The following NRG1 variants were observed in gnomAD, a reference collection of about 807,000 sequenced individuals.
The protein encoded by NRG1 is pro-neuregulin-1, membrane-bound isoform.
In NRG1, 18 loss-of-function variants were observed where a neutral mutation model predicts 63.8. The observed-to-expected ratio is 0.28, with a 90% CI of 0.19 to 0.42. The LOEUF (loss-of-function observed/expected upper bound fraction) is 0.42. Among genes scored for constraint, NRG1 ranks in the 10% least tolerant of loss-of-function variants. NRG1 has a pLI of 1.00. For missense variants in NRG1, 762 were observed against 814.7 expected, an observed-to-expected ratio of 0.94 and a Z score of 0.79; for synonymous variants, 302 against 301.3, an observed-to-expected ratio of 1.00 and a Z score of -0.02.
At chr8:32,455,512 T>C (rs963970276) in intron 1 of NRG1, among the ~76,000 whole-genome samples, 1 of 152,234 alleles carries the variant, frequency 6.6e-6, no homozygotes, top group Non-Finnish European at 1.5e-5. Context: ...GCTAATTCAG[T>C]GTTTTTATTA....
rs559822656 is a variant in NRG1 at position 31,927,750 on chromosome 8, CT to C, written c.37+288329del. Among the ~76,000 whole-genome samples the C allele has an allele frequency of 7.1e-3, 1,053 of 148,018 alleles. 9 individuals carry two copies. Among genetic ancestry groups the C allele is most frequent in the African/African-American group, 0.024 (986 of 40,662 alleles). On this transcript the variant is annotated intron_variant, in intron 1 of 10. Transcript: ENST00000519301. ...GGCGTGAGCCACCGCGCCCGGCCTA[CT>C]TTTTTTTTTAAAGATCTGAGAGTGT...
At chr8:32,188,919 C>T (rs185126651) in intron 1 of NRG1, among the ~76,000 whole-genome samples, 1 of 151,858 alleles carries the variant, frequency 6.6e-6, no homozygotes, top group Non-Finnish European at 1.5e-5. Flanking sequence ...ATGTAACTAA[C>T]CTGCACATTG....
At chr8:31,867,075 A>G (rs1829023155) in intron 1 of NRG1, among the ~76,000 whole-genome samples, 1 of 152,172 alleles carries the variant, frequency 6.6e-6, no homozygotes, top group Non-Finnish European at 1.5e-5. Context: ...ATGTGAATGG[A>G]CCTAGCCTTT....
At chr8:32,182,615 C>T (rs1402021532) in intron 1 of NRG1, among the ~76,000 whole-genome samples, 1 of 152,156 alleles carries the variant, frequency 6.6e-6, no homozygotes, top group African/African-American at 2.4e-5. Flanking sequence ...AGCTAATTCT[C>T]GCACTCTCAC....
In NRG1 at chr8:32,647,936, A is replaced by C. The variant is rs371797228; in HGVS notation, c.502+31051A>C. ...AGCGCCTGAGAGGTTGCCTCAACTC[A>C]GAGAAAATCTGCATTGTCCCCATCC... is the stretch of plus-strand genomic sequence containing the variant. On this transcript the variant is annotated intron_variant, in intron 5 of 11. Transcript: ENST00000356819. 168 of 1,614,160 alleles carry C rather than the reference A, an allele frequency of 1.0e-4. No homozygotes were observed. In the South Asian group the frequency reaches 1.2e-3, roughly 12 times the overall value.
At chr8:32,714,863 CT>C (rs1361561922) in intron 5 of NRG1, among the ~76,000 whole-genome samples, 2 of 152,218 alleles carry the variant, frequency 1.3e-5, no homozygotes, top group Non-Finnish European at 2.9e-5. Flanking sequence ...AGAGTGTTAG[CT>C]CCCCAAGCAT....
intron 1 of NRG1, among the ~76,000 whole-genome samples, chr8:32,193,261 T>C (rs1842663776): frequency 6.6e-6 from 1 of 152,136 alleles, no homozygotes. Context: ...CTGTTGATGA[T>C]GATAATGAAT....
chr8:31,743,559 TATG>T (rs1563350645), intron 1 of NRG1, among the ~76,000 whole-genome samples: 1 of 150,548 alleles, frequency 6.6e-6, no homozygotes, highest in South Asian at 2.1e-4. Context: ...TATTGTTTAA[TATG>T]TGTGTGTGTG....
intron 1 of NRG1, among the ~76,000 whole-genome samples, chr8:31,738,794 C>T (rs1263271586): frequency 1.3e-5 from 2 of 152,156 alleles, no homozygotes; most frequent in East Asian, 1.9e-4. Context: ...CTCTGTCATT[C>T]GATGGTGTCT....
intron 1 of NRG1, among the ~76,000 whole-genome samples, chr8:32,161,628 C>T (rs1414268646): frequency 6.6e-6 from 1 of 151,820 alleles, no homozygotes; most frequent in Non-Finnish European, 1.5e-5. Flanking sequence ...TAACAACCCT[C>T]CCAATCTCAG....
chr8:31,838,129 A>G (rs1825856632), intron 1 of NRG1, among the ~76,000 whole-genome samples: 1 of 152,106 alleles, frequency 6.6e-6, no homozygotes, highest in Admixed American at 6.5e-5. Context: ...CCTCGCCAGC[A>G]TAATAACGAT....
At chr8:32,138,139 T>C (rs562717024) in intron 1 of NRG1, among the ~76,000 whole-genome samples, 4 of 152,180 alleles carry the variant, frequency 2.6e-5, no homozygotes, top group Non-Finnish European at 4.4e-5. Flanking sequence ...CTCTACATAT[T>C]TAGCAATCAC....
rs562972880 is a variant in NRG1 at position 32,218,875 on chromosome 8, G to A, written c.38-376953G>A. Among the ~76,000 whole-genome samples, 16 of 152,244 alleles carry A rather than the reference G, an allele frequency of 1.1e-4. 1 individual carries two copies. In the South Asian group the frequency reaches 2.3e-3, roughly 22 times the overall value. Reference sequence around the variant, plus strand: ...CTCAGGGAGCAAAGGCAGGATTTCCGTGGGTGTCCAAGGTCCTTACTCACA... The same window carrying A: ...CTCAGGGAGCAAAGGCAGGATTTCCATGGGTGTCCAAGGTCCTTACTCACA... On this transcript the variant is annotated intron_variant, in intron 1 of 10. Coordinates refer to the NRG1 transcript ENST00000519301.
At chr8:32,370,180 A>T (rs1291882796) in intron 1 of NRG1, among the ~76,000 whole-genome samples, 2 of 152,214 alleles carry the variant, frequency 1.3e-5, no homozygotes, top group Non-Finnish European at 2.9e-5. Context: ...TTTTTTCCTA[A>T]GTAAGCTTGA....
At chr8:32,560,294 TA>T (rs1176890560) in intron 1 of NRG1, among the ~76,000 whole-genome samples, 3 of 151,866 alleles carry the variant, frequency 2.0e-5, no homozygotes, top group Middle Eastern at 3.2e-3. Flanking sequence ...GTATTTTAAT[TA>T]AAAAAAATAA....
At chr8:32,452,434 A>C (rs1181421185) in intron 1 of NRG1, among the ~76,000 whole-genome samples, 3 of 152,218 alleles carry the variant, frequency 2.0e-5, no homozygotes, top group African/African-American at 2.4e-5. Flanking sequence ...ATGAGAAGAC[A>C]GTATAAATAA....
intron 1 of NRG1, among the ~76,000 whole-genome samples, chr8:31,891,072 T>A (rs1389375361): frequency 2.0e-5 from 3 of 152,170 alleles, no homozygotes; most frequent in Non-Finnish European, 4.4e-5. Flanking sequence ...CAGGAGAGTG[T>A]CTTTCAGATC....
At chr8:32,366,677 G>GTATATATATATATATATATATATA (rs71208175) in intron 1 of NRG1, among the ~76,000 whole-genome samples, 2 of 87,520 alleles carry the variant, frequency 2.3e-5, no homozygotes, top group Non-Finnish European at 4.5e-5. Flanking sequence ...GTGTGTGTGT[G>GTATATATATATATATATATATATA]TATATATATA....
At chr8:32,279,844 T>C (rs16879101) in intron 1 of NRG1, among the ~76,000 whole-genome samples, 14,835 of 152,260 alleles carry the variant, frequency 0.097, 1,025 homozygotes, top group African/African-American at 0.19. Context: ...TTCTGACTGA[T>C]GTGTAGGGTA....
Sources: allele counts gnomAD v4.1 joint callset (sites outside exome capture counted in the v4.1 genomes callset), GRCh38; gene constraint gnomAD v4.1.1; transcripts MANE v1.5; gene names NCBI Gene and HGNC (gene_info 2026-07-23, HGNC 2026-07-21).